The following SRGAP2C variants were observed in gnomAD, a reference collection of about 807,000 sequenced individuals.
The protein encoded by SRGAP2C is SLIT-ROBO Rho GTPase activating protein 2C.
A neutral mutation model predicts 25.1 loss-of-function variants in SRGAP2C; 15 were observed. The ratio of observed to expected loss-of-function variants is 0.60; its 90% CI spans 0.40 to 0.92. The LOEUF (loss-of-function observed/expected upper bound fraction) is 0.92, where lower values mean the gene tolerates loss of function less well. SRGAP2C is among the 40% of genes least tolerant of loss of function. The probability of loss-of-function intolerance (pLI) is 0.00; values close to 1 mark genes in which losing one functional copy is unlikely to be tolerated. For synonymous variants in SRGAP2C, 44 were observed against 96.6 expected, an observed-to-expected ratio of 0.46 and a Z score of 3.19; for missense variants, 144 against 264.4, an observed-to-expected ratio of 0.54 and a Z score of 3.16.
At chr1:121,277,824 A>AG (rs1322870780) in intron 2 of SRGAP2C, among the ~76,000 whole-genome samples, 1 of 105,924 alleles carries the variant, frequency 9.4e-6, no homozygotes, top group Admixed American at 1.1e-4. Context: ...TGGAGAGGGC[A>AG]GGGGTGGGAT....
At chr1:121,255,775 A>G (rs1656446135) in intron 2 of SRGAP2C, among the ~76,000 whole-genome samples, 1 of 150,552 alleles carries the variant, frequency 6.6e-6, no homozygotes, top group African/African-American at 2.4e-5. Flanking sequence ...CCGAGATTGT[A>G]TCACTGCACT....
intron 2 of SRGAP2C, among the ~76,000 whole-genome samples, chr1:121,227,301 T>C (rs587681443): frequency 6.6e-6 from 1 of 152,196 alleles, no homozygotes; most frequent in African/African-American, 2.4e-5. Flanking sequence ...CTAATTGGAG[T>C]TATCTGGTTT....
intron 2 of SRGAP2C, among the ~76,000 whole-genome samples, chr1:121,218,057 A>G (rs1379031802): frequency 7.0e-6 from 1 of 143,312 alleles, no homozygotes; most frequent in African/African-American, 2.6e-5. Context: ...GTTAGTGTAT[A>G]GCGCATGTTC....
At chr1:121,191,895 C>CT (rs1215148646) in intron 2 of SRGAP2C, among the ~76,000 whole-genome samples, 3,882 of 102,860 alleles carry the variant, frequency 0.038, 61 homozygotes, top group Middle Eastern at 0.087. Context: ...GGGGTCTTGT[C>CT]TTTTTTTTTT....
chr1:121,223,319 TA>T (rs782397124), intron 2 of SRGAP2C, among the ~76,000 whole-genome samples: 1,505 of 138,878 alleles, frequency 0.011, 38 homozygotes, highest in East Asian at 0.062. Flanking sequence ...ATGACTTTTT[TA>T]TTATTATTAT....
At position 121,306,732 on chromosome 1, in the gene SRGAP2C, A is replaced by G. The variant is rs1657850012; in HGVS notation, c.261-17746A>G. 2.0e-5 allele frequency among the ~76,000 whole-genome samples: 3 copies of G among 151,920 alleles called. No individual in the cohort carries two copies. In the South Asian group the frequency reaches 6.2e-4, roughly 32 times the overall value. ...GTCCTATGGATGGTAACTGAAAGAA[A>G]AAAAGAAAAAAACGATTCTCAAAGG... On this transcript the variant is annotated intron_variant, in intron 3 of 9. Transcript: ENST00000367123.
chr1:121,280,302 C>T (rs1657212544), intron 2 of SRGAP2C, among the ~76,000 whole-genome samples: 1 of 151,184 alleles, frequency 6.6e-6, no homozygotes, highest in Non-Finnish European at 1.5e-5. Flanking sequence ...TGATAGAGGA[C>T]ATTGGATTTT....
chr1:121,338,972 G>T (rs1306460265), intron 4 of SRGAP2C, among the ~76,000 whole-genome samples: 2 of 149,430 alleles, frequency 1.3e-5, no homozygotes, highest in Non-Finnish European at 3.0e-5. Flanking sequence ...AAGATATTGT[G>T]GGTAAAAACA....
chr1:121,369,471 A>G (rs1460968814), intron 5 of SRGAP2C, among the ~76,000 whole-genome samples: 1 of 151,368 alleles, frequency 6.6e-6, no homozygotes, highest in Non-Finnish European at 1.5e-5. Flanking sequence ...GGCTGTTGTT[A>G]TTCCAGAGGC....
chr1:121,313,965 G>T (rs1553340269), intron 3 of SRGAP2C, among the ~76,000 whole-genome samples: 2 of 141,494 alleles, frequency 1.4e-5, no homozygotes, highest in Non-Finnish European at 1.5e-5. Context: ...GAATCTGAAC[G>T]TTGGCCTGCC....
intron 4 of SRGAP2C, among the ~76,000 whole-genome samples, chr1:121,350,662 G>A (rs1658878620): frequency 2.0e-5 from 3 of 152,148 alleles, no homozygotes; most frequent in South Asian, 2.1e-4. Context: ...AAATATAGGT[G>A]TAAGTCTTCA....
intron 2 of SRGAP2C, among the ~76,000 whole-genome samples, chr1:121,250,612 G>T (rs1480494543): frequency 3.1e-5 from 2 of 65,216 alleles, no homozygotes; most frequent in Non-Finnish European, 5.8e-5. Context: ...ACAAAGTGTG[G>T]TGTATTCATA....
intron 2 of SRGAP2C, among the ~76,000 whole-genome samples, chr1:121,206,516 T>C (rs1307642390): frequency 1.3e-5 from 2 of 151,830 alleles, no homozygotes; most frequent in Non-Finnish European, 2.9e-5. Context: ...GATGAAGTCA[T>C]TTCAGAGGGA....
intron 2 of SRGAP2C, among the ~76,000 whole-genome samples, chr1:121,249,578 A>ATTTTTTT (rs1165185674): frequency 4.3e-5 from 1 of 23,140 alleles, no homozygotes; most frequent in Non-Finnish European, 7.3e-5. Context: ...ATATATATAT[A>ATTTTTTT]TATTTTTTTT....
rs1553341314 is a variant in SRGAP2C at position 121,323,302 on chromosome 1, T to C, written c.261-1176T>C. Among the ~76,000 whole-genome samples the C allele has an allele frequency of 3.3e-5, 5 of 151,604 alleles. No individual in the cohort carries two copies. In the East Asian group the frequency reaches 5.8e-4, roughly 18 times the overall value. Reference sequence around the variant, plus strand: ...GTTGGTAATCAATAATTCTTTTGGATCACAATGTTTTCATTAGAAATGAGC... The same window carrying C: ...GTTGGTAATCAATAATTCTTTTGGACCACAATGTTTTCATTAGAAATGAGC... On this transcript the variant is annotated intron_variant, in intron 3 of 9. Transcript: ENST00000367123.
chr1:121,187,680 T>TG (rs1654553207), intron 2 of SRGAP2C, among the ~76,000 whole-genome samples, 167 bp downstream of exon 2: 1 of 143,728 alleles, frequency 7.0e-6, no homozygotes, highest in African/African-American at 2.6e-5. Context: ...GGATGGGCAA[T>TG]GCCAGGGGGC....
chr1:121,340,128 G>T (rs1222980856), intron 4 of SRGAP2C, among the ~76,000 whole-genome samples: 1 of 151,712 alleles, frequency 6.6e-6, no homozygotes, highest in Non-Finnish European at 1.5e-5. Context: ...GGGCGATCCA[G>T]TCTCCAACTT....
intron 3 of SRGAP2C, among the ~76,000 whole-genome samples, chr1:121,285,377 C>T (rs1340683254): frequency 8.1e-6 from 1 of 124,118 alleles, no homozygotes; most frequent in Non-Finnish European, 1.7e-5. Flanking sequence ...AACTCAGGGT[C>T]TATCTTAATC....
chr1:121,336,536 C>T (rs1210505945), intron 4 of SRGAP2C, among the ~76,000 whole-genome samples: 1 of 107,952 alleles, frequency 9.3e-6, no homozygotes, highest in Admixed American at 1.0e-4. Context: ...TTTCCTCCTT[C>T]CCTTCCTTTT....
Sources: gnomAD v4.1 joint callset for allele counts (sites outside exome capture counted in the v4.1 genomes callset) on GRCh38, gnomAD v4.1.1 for gene constraint, MANE v1.5 for transcripts, NCBI Gene and HGNC (gene_info 2026-07-23, HGNC 2026-07-21) for gene names.